Variants in LRMDA observed in about 807,000 individuals in gnomAD.
The protein encoded by LRMDA is leucine-rich melanocyte differentiation-associated protein.
A neutral mutation model predicts 29.8 loss-of-function variants in LRMDA; 18 were observed. That is an observed-to-expected ratio of 0.60 (90% confidence interval 0.42 to 0.90). LRMDA has a LOEUF of 0.90. Among genes scored for constraint, LRMDA ranks in the 40% least tolerant of loss-of-function variants. The probability of loss-of-function intolerance (pLI) is 0.00; values close to 1 mark genes in which losing one functional copy is unlikely to be tolerated. For synonymous variants in LRMDA, 125 were observed against 109.4 expected (o/e 1.14, Z -0.89); for missense variants, 273 against 273.9 (o/e 1.00, Z 0.02).
intron 2 of LRMDA, among the ~76,000 whole-genome samples, chr10:75,824,900 T>G (rs1844223397): frequency 6.6e-6 from 1 of 152,174 alleles, no homozygotes; most frequent in South Asian, 2.1e-4. Flanking sequence ...TGGACTGACT[T>G]AAGAGGTCCA....
intron 5 of LRMDA, among the ~76,000 whole-genome samples, chr10:76,280,148 G>A (rs1056478182): frequency 1.3e-5 from 2 of 152,252 alleles, no homozygotes; most frequent in Non-Finnish European, 1.5e-5. Flanking sequence ...GCCTGAGCCA[G>A]AGAAGAGGTA....
intron 2 of LRMDA, chr10:75,743,562 A>T (rs1367669991): frequency 6.6e-6 from 1 of 152,218 alleles, no homozygotes; most frequent in Non-Finnish European, 1.5e-5. Flanking sequence ...CCACCTCTGG[A>T]GACCAAAGAG....
chr10:75,986,228 C>T (rs368192203), intron 2 of LRMDA, among the ~76,000 whole-genome samples: 115 of 152,224 alleles, frequency 7.6e-4, no homozygotes, highest in African/African-American at 2.6e-3. Flanking sequence ...TGCCTTCTGG[C>T]GGAGGTATGG....
intron 6 of LRMDA, among the ~76,000 whole-genome samples, chr10:76,426,069 G>A (rs1298371347): frequency 6.6e-6 from 1 of 152,164 alleles, no homozygotes; most frequent in Non-Finnish European, 1.5e-5. Context: ...ACATACGTGT[G>A]CATGTGTCTT....
chr10:75,930,982 C>A (rs1322422729), intron 2 of LRMDA, among the ~76,000 whole-genome samples: 1 of 152,180 alleles, frequency 6.6e-6, no homozygotes, highest in Non-Finnish European at 1.5e-5. Context: ...AGATAGACTA[C>A]AAAGTATTGG....
intron 6 of LRMDA, among the ~76,000 whole-genome samples, chr10:76,541,742 A>G (rs1231016857): frequency 6.6e-6 from 1 of 152,126 alleles, no homozygotes; most frequent in African/African-American, 2.4e-5. Context: ...AGAACACGGC[A>G]TGCCAGTCCA....
chr10:75,586,507 G>A (rs139858679), intron 2 of LRMDA, among the ~76,000 whole-genome samples: 13 of 151,788 alleles, frequency 8.6e-5, no homozygotes, highest in African/African-American at 1.9e-4. Context: ...ACAGGTATGC[G>A]CCACCATGCC....
intron 6 of LRMDA, among the ~76,000 whole-genome samples, chr10:76,339,145 A>G (rs1006680867): frequency 2.0e-5 from 3 of 152,148 alleles, no homozygotes; most frequent in African/African-American, 4.8e-5. Flanking sequence ...AACAGTCACA[A>G]ATTGGCTCAT....
chr10:76,438,943 G>GCATACCTGCCATATGTA (rs1842272804), intron 6 of LRMDA, among the ~76,000 whole-genome samples: 1 of 151,998 alleles, frequency 6.6e-6, no homozygotes, highest in Non-Finnish European at 1.5e-5. Context: ...ATGTATATGT[G>GCATACCTGCCATATGTA]CATACCTGCC....
rs529332181 is a variant in LRMDA, at chr10:76,036,922, A to C, written c.258+788A>C. ...GACAGGGAGTTTCCTTGGTTTTGTT[A>C]ACTCCTCTGTTCTTCACACTAAGAA... On this transcript the variant is annotated intron_variant, in intron 3 of 6. Coordinates refer to ENST00000611255, the MANE Select transcript of LRMDA (RefSeq NM_001305581.2). Among the ~76,000 whole-genome samples the C allele has an allele frequency of 7.2e-5, 11 of 152,222 alleles. No individual in the cohort carries two copies. The East Asian group carries it at 1.9e-3, about 27-fold the overall frequency.
In LRMDA at chr10:75,919,306, T is replaced by C. The variant is rs372529005; in HGVS notation, c.132-116702T>C. Reference sequence around the variant, plus strand: ...AGGGGTTGACTAAGAAACAGGAGAATAGTGAAGGCTCAAGATTCATTTACT... The same window carrying C: ...AGGGGTTGACTAAGAAACAGGAGAACAGTGAAGGCTCAAGATTCATTTACT... On this transcript the variant is annotated intron_variant, in intron 2 of 6. Coordinates refer to ENST00000611255, the MANE Select transcript of LRMDA (RefSeq NM_001305581.2). Among the ~76,000 whole-genome samples, 21 of 152,300 alleles carry C rather than the reference T, an allele frequency of 1.4e-4. No individual in the cohort carries two copies. The East Asian group carries it at 3.9e-3, about 28-fold the overall frequency.
rs573822532 is a variant in LRMDA, at chr10:76,491,276, A to T, written c.602-65933A>T. ...GTACTTAGTAAGACCAGTGAGTTTT[A>T]TACCTTAAGATGATATCTTACTGTT... On this transcript the variant is annotated intron_variant, in intron 6 of 6. Coordinates refer to ENST00000611255, the MANE Select transcript of LRMDA (RefSeq NM_001305581.2). 3.3e-5 allele frequency among the ~76,000 whole-genome samples: 5 copies of T among 152,072 alleles called. 1 individual carries two copies. The South Asian group carries it at 1.0e-3, about 32-fold the overall frequency.
In LRMDA at chr10:76,292,578, C is replaced by T. The variant is rs542211048; in HGVS notation, c.517-31823C>T. 1.2e-4 allele frequency among the ~76,000 whole-genome samples: 18 copies of T among 152,240 alleles called. 1 individual carries two copies. In the South Asian group the frequency reaches 3.5e-3, roughly 30 times the overall value. The stretch of plus-strand genomic sequence containing the variant: ...ATGGCAAATCTCTGTATATTTGTTT[C>T]CAATGAAGATTGACTACACTGATGA... On this transcript the variant is annotated intron_variant, in intron 5 of 6. Transcript: ENST00000611255.
intron 6 of LRMDA, among the ~76,000 whole-genome samples, chr10:76,361,146 A>C (rs1414890198): frequency 2.0e-5 from 3 of 152,120 alleles, no homozygotes; most frequent in African/African-American, 7.2e-5. Flanking sequence ...CTGTAGTCCC[A>C]GCTACTCAGG....
chr10:76,010,698 C>T (rs1257506359), intron 2 of LRMDA, among the ~76,000 whole-genome samples: 1 of 152,226 alleles, frequency 6.6e-6, no homozygotes, highest in Non-Finnish European at 1.5e-5. Flanking sequence ...TCTCATGCCT[C>T]CTTACTCTCT....
chr10:76,079,396 C>T (rs538433184), intron 5 of LRMDA, among the ~76,000 whole-genome samples: 1 of 152,302 alleles, frequency 6.6e-6, no homozygotes, highest in East Asian at 1.9e-4. Flanking sequence ...ATCTGCCTCC[C>T]TCCAGGCTGA....
chr10:76,399,119 T>C (rs1841820878), intron 6 of LRMDA, among the ~76,000 whole-genome samples: 1 of 152,214 alleles, frequency 6.6e-6, no homozygotes, highest in Non-Finnish European at 1.5e-5. Context: ...CTCAGTTTTC[T>C]CATCTGCAAA....
chr10:75,704,497 G>A (rs1842343792), intron 2 of LRMDA, among the ~76,000 whole-genome samples: 1 of 152,144 alleles, frequency 6.6e-6, no homozygotes, highest in Non-Finnish European at 1.5e-5. Flanking sequence ...TTGTCATGGT[G>A]CAGGACCATT....
intron 2 of LRMDA, among the ~76,000 whole-genome samples, chr10:75,506,973 G>A (rs986088245): frequency 6.6e-6 from 1 of 152,170 alleles, no homozygotes; most frequent in African/African-American, 2.4e-5. Flanking sequence ...GGGCCCTTGG[G>A]GAGAGTTGTG....
Sources: gnomAD v4.1 joint callset for allele counts (sites outside exome capture counted in the v4.1 genomes callset) on GRCh38, gnomAD v4.1.1 for gene constraint, MANE v1.5 for transcripts, NCBI Gene and HGNC (gene_info 2026-07-23, HGNC 2026-07-21) for gene names.